Variants in TEX14 observed in about 807,000 individuals in gnomAD.
The protein encoded by TEX14 is inactive serine/threonine-protein kinase TEX14.
In TEX14, 168 loss-of-function variants were observed where a neutral mutation model predicts 178.6. The observed-to-expected ratio is 0.94, with a 90% CI of 0.83 to 1.07. The LOEUF is 1.07. TEX14 is among the 50% of genes least tolerant of loss of function. The pLI, the probability that TEX14 is intolerant of heterozygous loss-of-function variation, is 0.00. For missense variants in TEX14, 1,730 were observed against 1,753.6 expected, an observed-to-expected ratio of 0.99 and a Z score of 0.24; for synonymous variants, 626 against 634.1, an observed-to-expected ratio of 0.99 and a Z score of 0.19.
chr17:58,577,487 A>G (rs183240352), intron 20 of TEX14, 31 bp from the exon 21 acceptor site: 6 of 841,298 alleles, frequency 7.1e-6, no homozygotes, highest in Admixed American at 3.7e-5. Flanking sequence ...ATATATATAT[A>G]TATTTTTTTT....
At chr17:58,565,063 G>A in intron 27 of TEX14, 95 bp from the exon 28 acceptor site, 1 of 684,924 alleles carries the variant, frequency 1.5e-6, no homozygotes, top group Non-Finnish European at 2.4e-6. Flanking sequence ...GCCAATCAGT[G>A]GTCCCTGAAG....
intron 10 of TEX14, among the ~76,000 whole-genome samples, chr17:58,608,148 G>T (rs302850): frequency 0.3 from 45,951 of 151,408 alleles, 7,397 homozygotes; most frequent in Middle Eastern, 0.49. Context: ...CTGGGCGCAG[G>T]GGCTCACGCC....
chr17:58,558,150 T>C (rs2044188976), intron 30 of TEX14, among the ~76,000 whole-genome samples: 1 of 152,206 alleles, frequency 6.6e-6, no homozygotes, highest in South Asian at 2.1e-4. Context: ...CTGGGCCCTG[T>C]GCAGTCAGGG....
rs145541958 is a variant in TEX14 at position 58,651,646 on chromosome 17, C to G, written c.136+220G>C. The stretch of plus-strand genomic sequence containing the variant: ...GGAGCCTAGCAGTAGCAGTTGGATG[C>G]GCTTGTGGTTCCCCAACACAAAACA... On this transcript the variant is annotated intron_variant, in intron 2 of 31. Coordinates refer to ENST00000349033, the MANE Select transcript of TEX14 (RefSeq NM_031272.5). Among the ~76,000 whole-genome samples the G allele has an allele frequency of 3.9e-5, 6 of 152,284 alleles. No homozygotes were observed. The East Asian group carries it at 1.2e-3, about 29-fold the overall frequency.
chr17:58,631,815 T>C (rs74539577), intron 2 of TEX14: 9 of 152,098 alleles, frequency 5.9e-5, no homozygotes, highest in East Asian at 1.9e-4. Flanking sequence ...ACTATAGAAA[T>C]TATCCCTCAA....
intron 20 of TEX14, among the ~76,000 whole-genome samples, chr17:58,579,353 C>T (rs573962282): frequency 1.3e-5 from 2 of 152,056 alleles, no homozygotes; most frequent in South Asian, 4.1e-4. Flanking sequence ...ACTGCACTTG[C>T]TATGTGGCAC....
chr17:58,600,845 TACA>T (rs2045417054), intron 13 of TEX14, among the ~76,000 whole-genome samples: 1 of 152,190 alleles, frequency 6.6e-6, no homozygotes, highest in Non-Finnish European at 1.5e-5. Context: ...CTGAGCAGGT[TACA>T]ACCTCTCTGA....
chr17:58,633,316 G>A (rs986084343), intron 2 of TEX14, among the ~76,000 whole-genome samples: 1 of 152,176 alleles, frequency 6.6e-6, no homozygotes, highest in Admixed American at 6.6e-5. Flanking sequence ...CCACCTGCAT[G>A]AGACTTTAAG....
At chr17:58,557,122 C>T in intron 31 of TEX14, 75 bp from the exon 32 acceptor site, 1 of 1,158,634 alleles carries the variant, frequency 8.6e-7, no homozygotes, top group South Asian at 1.2e-5. Context: ...ACACAAACCA[C>T]ATCCTCTTTC....
intron 10 of TEX14, among the ~76,000 whole-genome samples, chr17:58,606,087 T>C (rs2045600265): frequency 6.6e-6 from 1 of 152,224 alleles, no homozygotes; most frequent in South Asian, 2.1e-4. Flanking sequence ...CTTTTGGGAA[T>C]GTGTCCTCTC....
rs71143262 is a variant in TEX14 at position 58,643,874 on chromosome 17, C to CAAAAAAAA, written c.136+7984_136+7991dup. 8.8e-4 allele frequency among the ~76,000 whole-genome samples: 18 copies of CAAAAAAAA among 20,540 alleles called. 2 individuals are homozygous for CAAAAAAAA. Among genetic ancestry groups the CAAAAAAAA allele is most frequent in the African/African-American group, 1.6e-3 (8 of 5,122 alleles). 13.5% of individuals were successfully genotyped at this position (20,540 alleles called of 152,430 possible). Reference sequence around the variant, plus strand: ...TGGGCAACAGAGCAAGACTCTGTCTCAAAAAAAAAAAAAAAAAAAAAAAAA... The same window carrying CAAAAAAAA: ...TGGGCAACAGAGCAAGACTCTGTCTCAAAAAAAAAAAAAAAAAAAAAAAAAAAAAAAAA... On this transcript the variant is annotated intron_variant, in intron 2 of 31. Transcript: ENST00000349033.
intron 15 of TEX14, among the ~76,000 whole-genome samples, chr17:58,589,557 CAAAA>C (rs71143254): frequency 1.8e-5 from 1 of 56,464 alleles, no homozygotes. Flanking sequence ...GACTCCGTCT[CAAAA>C]AAAAAAAAAA....
In TEX14 at chr17:58,599,131, C is replaced by G; in HGVS notation, c.2214G>C (p.Gln738His). ...SKCVLDLKIM[Q>H]TIMHENDDRL... ...TATCATCATTCTCGTGCATTATTGT[C>G]TGCATAATCTTTAGATCCAGCACAC... The change falls in exon 14 of 32, where the codon CAG (glutamine) becomes CAC (histidine). Residue 738 changes from glutamine (Q) to histidine (H), a missense_variant. Coordinates refer to ENST00000349033, the MANE Select transcript of TEX14 (RefSeq NM_031272.5). 1 of 1,614,112 alleles carries G rather than the reference C, an allele frequency of 6.2e-7. No homozygotes were observed. The highest frequency in any genetic ancestry group is 8.5e-7 in the Non-Finnish European group (1 of 1,180,024).
At chr17:58,619,039 T>A (rs1186837242) in intron 5 of TEX14, among the ~76,000 whole-genome samples, 1 of 152,228 alleles carries the variant, frequency 6.6e-6, no homozygotes, top group Non-Finnish European at 1.5e-5. Context: ...TGCTTAGGCC[T>A]CAAAAGATCT....
intron 10 of TEX14, among the ~76,000 whole-genome samples, chr17:58,605,650 CT>C (rs1567731340): frequency 6.6e-6 from 1 of 152,206 alleles, no homozygotes; most frequent in African/African-American, 2.4e-5. Flanking sequence ...TCCAACATAC[CT>C]CATGTTCTTC....
At chr17:58,595,698 C>T (rs2144453863) in intron 14 of TEX14, among the ~76,000 whole-genome samples, 1 of 152,304 alleles carries the variant, frequency 6.6e-6, no homozygotes, top group African/African-American at 2.4e-5. Context: ...CCAGTCCAAC[C>T]TCCAGCTGAC....
intron 1 of TEX14, among the ~76,000 whole-genome samples, chr17:58,688,325 G>A (rs1171182617): frequency 2.6e-5 from 4 of 152,098 alleles, no homozygotes; most frequent in South Asian, 2.1e-4. Flanking sequence ...TTACCACATC[G>A]CCCAGGCTGG....
chr17:58,642,754 C>T (rs1302612539), intron 2 of TEX14, among the ~76,000 whole-genome samples: 3 of 152,084 alleles, frequency 2.0e-5, no homozygotes, highest in African/African-American at 7.2e-5. Flanking sequence ...ATTCTCTAGT[C>T]CTCCAATCTT....
At chr17:58,669,442 C>G (rs1201558272) in intron 1 of TEX14, among the ~76,000 whole-genome samples, 1 of 151,784 alleles carries the variant, frequency 6.6e-6, no homozygotes, top group Non-Finnish European at 1.5e-5. Flanking sequence ...AAGAATGTAA[C>G]AAGCCAGCTG....
Sources: gnomAD v4.1 joint callset for allele counts (sites outside exome capture counted in the v4.1 genomes callset) on GRCh38, gnomAD v4.1.1 for gene constraint, MANE v1.5 for transcripts, NCBI Gene and HGNC (gene_info 2026-07-23, HGNC 2026-07-21) for gene names.